ARHGAP6: variants seen among roughly 807,000 people sequenced by gnomAD.
The protein encoded by ARHGAP6 is Rho GTPase activating protein 6.
ARHGAP6 carries 16 observed loss-of-function variants against 55.7 expected under a neutral mutation model. The ratio of observed to expected loss-of-function variants is 0.29; its 90% CI spans 0.19 to 0.44. The LOEUF is 0.44. Ranked by LOEUF, ARHGAP6 falls within the 20% of genes least tolerant of loss-of-function variation. The pLI, the probability that ARHGAP6 is intolerant of heterozygous loss-of-function variation, is 1.00. For synonymous variants in ARHGAP6, 382 were observed against 360.9 expected, an observed-to-expected ratio of 1.06 and a Z score of -0.66; for missense variants, 698 against 808.9, an observed-to-expected ratio of 0.86 and a Z score of 1.66.
At chrX:11,590,818 AAAG>A (rs2051802812) in intron 1 of ARHGAP6, among the ~76,000 whole-genome samples, 1 of 45,716 alleles carries the variant, frequency 2.2e-5, no homozygotes. Context: ...AAAGAAAAGA[AAAG>A]AAAAGAAAAG....
chrX:11,454,427 C>CCTT (rs1453431207), intron 1 of ARHGAP6, among the ~76,000 whole-genome samples: 1 of 111,508 alleles, frequency 9.0e-6, no homozygotes, highest in Non-Finnish European at 1.9e-5. Context: ...ATTTTAAGCC[C>CCTT]CTTAAATAAA....
At chrX:11,508,852 TAC>T (rs199575300) in intron 1 of ARHGAP6, among the ~76,000 whole-genome samples, 196 of 101,310 alleles carry the variant, frequency 1.9e-3, no homozygotes, top group Middle Eastern at 4.9e-3. Context: ...CAACTCATAC[TAC>T]ACACACACAC....
chrX:11,548,663 C>T (rs1313323594), intron 1 of ARHGAP6, among the ~76,000 whole-genome samples: 1 of 110,836 alleles, frequency 9.0e-6, no homozygotes, highest in African/African-American at 3.3e-5. Context: ...GGCTGTAGTG[C>T]AGCGACGTGA....
At chrX:11,337,004 A>G (rs1210975829) in intron 1 of ARHGAP6, among the ~76,000 whole-genome samples, 1 of 111,129 alleles carries the variant, frequency 9.0e-6, no homozygotes, top group Non-Finnish European at 1.9e-5. Context: ...TTCAAGAGGT[A>G]AGAGACACCT....
intron 1 of ARHGAP6, among the ~76,000 whole-genome samples, chrX:11,257,564 T>C (rs1038014546): frequency 1.8e-5 from 2 of 112,480 alleles, no homozygotes; most frequent in East Asian, 2.8e-4. Flanking sequence ...TGAAATAAAG[T>C]AATTCCTAGA....
At chrX:11,286,073 C>T (rs768804780) in intron 1 of ARHGAP6, among the ~76,000 whole-genome samples, 34 of 111,954 alleles carry the variant, frequency 3.0e-4, no homozygotes, top group African/African-American at 1.1e-3. Flanking sequence ...ATAAAACAGC[C>T]CAAATCCAAA....
chrX:11,381,655 G>A (rs928398301), intron 1 of ARHGAP6, among the ~76,000 whole-genome samples: 4 of 111,645 alleles, frequency 3.6e-5, no homozygotes, highest in Non-Finnish European at 5.6e-5. Flanking sequence ...GCCACCAGGG[G>A]GAGAACCAAA....
Position 11,182,324 on chromosome X carries a change from G to T in ARHGAP6, c.1274-206C>A, listed in dbSNP as rs774832035. 7.2e-5 allele frequency among the ~76,000 whole-genome samples: 8 copies of T among 111,591 alleles called. No homozygotes were observed. The East Asian group carries it at 2.0e-3, about 27-fold the overall frequency. ...AGCCCTTTAAGCACCAGAATTTTACGTTAAATGTTTCTGATCAAATATTTT... is the reference window on the plus strand; with the variant it reads ...AGCCCTTTAAGCACCAGAATTTTACTTTAAATGTTTCTGATCAAATATTTT... On this transcript the variant is annotated intron_variant, in intron 5 of 12. Coordinates refer to ENST00000337414, the MANE Select transcript of ARHGAP6 (RefSeq NM_013427.3).
chrX:11,209,564 T>C (rs1285850643), intron 2 of ARHGAP6, among the ~76,000 whole-genome samples: 1 of 112,701 alleles, frequency 8.9e-6, no homozygotes, highest in Admixed American at 9.4e-5. Flanking sequence ...ACTTAGTCAT[T>C]TTTGACTTAT....
intron 9 of ARHGAP6, among the ~76,000 whole-genome samples, chrX:11,160,844 T>C (rs931592981): frequency 2.7e-5 from 3 of 111,867 alleles, no homozygotes; most frequent in African/African-American, 9.7e-5. Context: ...AGGCCCATGG[T>C]ACCATTTTGG....
chrX:11,605,725 T>C (rs1198059745), intron 1 of ARHGAP6, among the ~76,000 whole-genome samples: 1 of 111,606 alleles, frequency 9.0e-6, no homozygotes, highest in African/African-American at 3.3e-5. Flanking sequence ...TCCATGAAAC[T>C]GATGTGACAG....
chrX:11,592,576 GTAT>G (rs1159874573), intron 1 of ARHGAP6, among the ~76,000 whole-genome samples: 1 of 110,627 alleles, frequency 9.0e-6, no homozygotes, highest in East Asian at 2.8e-4. Flanking sequence ...CAAAAATATG[GTAT>G]TATATCATTA....
At chrX:11,421,667 C>T (rs2049825536) in intron 1 of ARHGAP6, among the ~76,000 whole-genome samples, 1 of 111,669 alleles carries the variant, frequency 9.0e-6, no homozygotes, top group African/African-American at 3.3e-5. Context: ...TTGTATTGCA[C>T]TTTCTGAATC....
At position 11,335,362 on chromosome X, in the gene ARHGAP6, C is replaced by T. The variant is rs765118506; in HGVS notation, c.589-80655G>A. Among the ~76,000 whole-genome samples the T allele has an allele frequency of 1.1e-4, 12 of 111,582 alleles. No homozygotes were observed. In the South Asian group the frequency reaches 4.6e-3, roughly 43 times the overall value. ...CATTAGGTATTTCTCCTAATGTTTTCTCTCCCCTAGCCCCCAACCCCGTGA... is the reference window on the plus strand; with the variant it reads ...CATTAGGTATTTCTCCTAATGTTTTTTCTCCCCTAGCCCCCAACCCCGTGA... On this transcript the variant is annotated intron_variant, in intron 1 of 12. Coordinates refer to ENST00000337414, the MANE Select transcript of ARHGAP6 (RefSeq NM_013427.3).
chrX:11,659,362 C>T (rs1439669422), intron 1 of ARHGAP6, among the ~76,000 whole-genome samples: 3 of 110,943 alleles, frequency 2.7e-5, no homozygotes, highest in Non-Finnish European at 5.7e-5. Flanking sequence ...CTCCCACTCT[C>T]TACAGCAGAG....
At chrX:11,404,532 C>G (rs1273624432) in intron 1 of ARHGAP6, among the ~76,000 whole-genome samples, 1 of 111,926 alleles carries the variant, frequency 8.9e-6, no homozygotes, top group Non-Finnish European at 1.9e-5. Context: ...GTATCACTGT[C>G]TGCCAACAGG....
chrX:11,385,713 A>C (rs749428733), intron 1 of ARHGAP6, among the ~76,000 whole-genome samples: 2 of 112,178 alleles, frequency 1.8e-5, no homozygotes, highest in Admixed American at 9.5e-5. Context: ...TTTGTAAGGA[A>C]TATTTAGATG....
At chrX:11,289,634 C>T (rs1177533897) in intron 1 of ARHGAP6, among the ~76,000 whole-genome samples, 2 of 111,870 alleles carry the variant, frequency 1.8e-5, no homozygotes, top group African/African-American at 6.5e-5. Context: ...ATCTTGAATG[C>T]TATTTGTGCC....
chrX:11,663,087 G>A (rs1318921587), intron 1 of ARHGAP6, among the ~76,000 whole-genome samples: 2 of 112,026 alleles, frequency 1.8e-5, no homozygotes, highest in African/African-American at 6.5e-5. Flanking sequence ...CAGTTACTTT[G>A]ACACAGTAAC....
Sources: allele counts gnomAD v4.1 joint callset (sites outside exome capture counted in the v4.1 genomes callset), GRCh38; gene constraint gnomAD v4.1.1; transcripts MANE v1.5; gene names NCBI Gene and HGNC (gene_info 2026-07-23, HGNC 2026-07-21).